The following TDRD7 variants were observed in gnomAD, a reference collection of about 807,000 sequenced individuals.
TDRD7 encodes tudor domain containing 7, also known as tudor domain-containing protein 7.
In TDRD7, 47 loss-of-function variants were observed where a neutral mutation model predicts 109.8. The ratio of observed to expected loss-of-function variants is 0.43; its 90% CI spans 0.34 to 0.55. The LOEUF is 0.55. TDRD7 is among the 20% of genes least tolerant of loss of function. The pLI is 0.03. For synonymous variants in TDRD7, 424 were observed against 457.3 expected, an observed-to-expected ratio of 0.93 and a Z score of 0.93; for missense variants, 1,164 against 1,319.2, an observed-to-expected ratio of 0.88 and a Z score of 1.82.
rs376407407 is a variant in TDRD7, at chr9:97,473,310, AAAG to A, written c.1945-179_1945-177del. Among the ~76,000 whole-genome samples the A allele has an allele frequency of 2.5e-3, 386 of 152,358 alleles. 2 individuals are homozygous for A. Among genetic ancestry groups the A allele is most frequent in the African/African-American group, 8.7e-3 (360 of 41,590 alleles). Reference sequence around the variant, plus strand: ...ATATTAGACATTTCTTTTAAAAAGAAAAGAATCCAAATTAGTTTTGTACATTTA... The same window carrying A: ...ATATTAGACATTTCTTTTAAAAAGAAAATCCAAATTAGTTTTGTACATTTA... On this transcript the variant is annotated intron_variant, in intron 10 of 16. Coordinates refer to ENST00000355295, the MANE Select transcript of TDRD7 (RefSeq NM_014290.3).
intron 6 of TDRD7, among the ~76,000 whole-genome samples, chr9:97,455,513 G>T (rs1426271586): frequency 2.6e-5 from 4 of 152,120 alleles, no homozygotes; most frequent in Non-Finnish European, 5.9e-5. Flanking sequence ...TGCAAGCCTG[G>T]TTCAACATAT....
intron 1 of TDRD7, among the ~76,000 whole-genome samples, chr9:97,413,280 A>G (rs1827753511): frequency 6.6e-6 from 1 of 152,266 alleles, no homozygotes; most frequent in African/African-American, 2.4e-5. Context: ...AATGTGTTGC[A>G]TACTGCAAAT....
chr9:97,471,933 T>C (rs1379559125), intron 9 of TDRD7, among the ~76,000 whole-genome samples: 1 of 152,204 alleles, frequency 6.6e-6, no homozygotes, highest in Non-Finnish European at 1.5e-5. Flanking sequence ...ATTACAAACA[T>C]ATGACTGGAA....
intron 6 of TDRD7, among the ~76,000 whole-genome samples, chr9:97,456,019 T>G (rs967231062): frequency 1.3e-5 from 2 of 151,980 alleles, no homozygotes; most frequent in Admixed American, 1.3e-4. Flanking sequence ...AAGCATTTCT[T>G]TACACCAACA....
At chr9:97,467,303 A>G (rs954100138) in intron 8 of TDRD7, among the ~76,000 whole-genome samples, 3 of 152,254 alleles carry the variant, frequency 2.0e-5, no homozygotes, top group Non-Finnish European at 4.4e-5. Context: ...CTATTCCACA[A>G]GGATATCTCC....
intron 11 of TDRD7, among the ~76,000 whole-genome samples, chr9:97,474,361 A>G (rs1028049847): frequency 2.6e-5 from 4 of 152,054 alleles, no homozygotes; most frequent in Non-Finnish European, 5.9e-5. Flanking sequence ...TCTTCCCTCT[A>G]ACCCACAAAG....
intron 16 of TDRD7, among the ~76,000 whole-genome samples, 169 bp downstream of exon 16, chr9:97,487,501 C>A (rs1829231128): frequency 6.6e-6 from 1 of 152,128 alleles, no homozygotes; most frequent in African/African-American, 2.4e-5. Flanking sequence ...TTAATGATGT[C>A]TTACAGTCGT....
intron 2 of TDRD7, among the ~76,000 whole-genome samples, chr9:97,429,873 AG>A (rs751270551): frequency 2.0e-5 from 3 of 152,186 alleles, no homozygotes; most frequent in African/African-American, 4.8e-5. Flanking sequence ...TGCTTTATAG[AG>A]TTACTATACT....
intron 13 of TDRD7, 102 bp downstream of exon 13, chr9:97,478,675 G>GA: frequency 6.5e-7 from 1 of 1,540,302 alleles, no homozygotes; most frequent in Non-Finnish European, 8.9e-7. Flanking sequence ...TAATTTTTAA[G>GA]AAAATTGGAA....
chr9:97,468,204 TAGAG>T (rs1467361686), intron 8 of TDRD7, among the ~76,000 whole-genome samples: 1 of 152,136 alleles, frequency 6.6e-6, no homozygotes, highest in Non-Finnish European at 1.5e-5. Context: ...TGAGATCCCC[TAGAG>T]AGAGAATACA....
At chr9:97,433,833 G>A (rs11788929) in intron 4 of TDRD7, among the ~76,000 whole-genome samples, 18,509 of 152,192 alleles carry the variant, frequency 0.12, 1,278 homozygotes, top group Middle Eastern at 0.22. Flanking sequence ...CCAGTAGTAT[G>A]TAGTATGGCT....
At chr9:97,440,951 C>T (rs1044169914) in intron 5 of TDRD7, among the ~76,000 whole-genome samples, 8 of 151,936 alleles carry the variant, frequency 5.3e-5, no homozygotes, top group Admixed American at 2.0e-4. Flanking sequence ...TAAGTAAAAA[C>T]GAAATGCAAA....
intron 1 of TDRD7, among the ~76,000 whole-genome samples, chr9:97,417,826 C>T (rs1827835388): frequency 6.6e-6 from 1 of 152,116 alleles, no homozygotes. Context: ...ATAATATGTG[C>T]ATTAAAAAGG....
Position 97,480,844 on chromosome 9 carries a change from T to C in TDRD7, c.2318T>C (p.Leu773Ser). 3 of 1,614,100 alleles carry C rather than the reference T, an allele frequency of 1.9e-6. No homozygotes were observed. Among genetic ancestry groups the C allele is most frequent in the Non-Finnish European group, 2.5e-6 (3 of 1,179,952 alleles). Residue 773 changes from leucine (L) to serine (S), a missense_variant, in exon 14 of 17, where the codon TTA becomes TCA. By Grantham distance (145) the Leu-to-Ser change is moderately radical. Transcript: ENST00000355295. ...TCTTTTCAGGCCATTAAGTGCTGTT[T>C]AGCAGATCTTCCACAATCTATTGGC... ...AIPPQAIKCC[L>S]ADLPQSIGMW...
chr9:97,485,039 A>C (rs190376662), intron 15 of TDRD7, among the ~76,000 whole-genome samples: 1 of 152,340 alleles, frequency 6.6e-6, no homozygotes, highest in African/African-American at 2.4e-5. Context: ...AAAAACAGAT[A>C]ATCTGATTTT....
intron 6 of TDRD7, among the ~76,000 whole-genome samples, chr9:97,459,381 T>G (rs1343977611): frequency 6.6e-6 from 1 of 152,226 alleles, no homozygotes; most frequent in Non-Finnish European, 1.5e-5. Flanking sequence ...TAAAAATCAT[T>G]TTTTAGCCCA....
chr9:97,436,180 A>AATTGTTCTCTAAACAGATTAT (rs1235785054), intron 4 of TDRD7, among the ~76,000 whole-genome samples: 1 of 152,136 alleles, frequency 6.6e-6, no homozygotes, highest in African/African-American at 2.4e-5. Flanking sequence ...GCTCCTATTA[A>AATTGTTCTCTAAACAGATTAT]ATTGTTCTCT....
Position 97,483,114 on chromosome 9 carries a change from C to T in TDRD7, c.2678C>T (p.Thr893Met), listed in dbSNP as rs775620997. ...DVIKKSMVDH[T>M]SAFSTEELPP... ...ATCAAAAAGTCCATGGTGGACCATACGAGCGCTTTCTCCACAGAGGAACTG... is the reference window on the plus strand; with the variant it reads ...ATCAAAAAGTCCATGGTGGACCATATGAGCGCTTTCTCCACAGAGGAACTG... Residue 893 changes from threonine to methionine, a missense_variant, in exon 15 of 17, where the codon ACG becomes ATG. Physicochemically the swap from Thr to Met is moderately conservative, Grantham distance 81. Coordinates refer to ENST00000355295, the MANE Select transcript of TDRD7 (RefSeq NM_014290.3). The T allele has an allele frequency of 1.6e-5, 26 of 1,614,006 alleles. No individual in the cohort carries two copies. In the South Asian group the frequency reaches 1.6e-4, roughly 10 times the overall value.
At chr9:97,491,140 A>T (rs948054757) in intron 16 of TDRD7, among the ~76,000 whole-genome samples, 26 of 150,482 alleles carry the variant, frequency 1.7e-4, no homozygotes, top group African/African-American at 6.3e-4. Context: ...CTGGTCTCGA[A>T]CTCCTGACTT....
Sources: allele counts gnomAD v4.1 joint callset (sites outside exome capture counted in the v4.1 genomes callset), GRCh38; gene constraint gnomAD v4.1.1; transcripts MANE v1.5; gene names NCBI Gene and HGNC (gene_info 2026-07-23, HGNC 2026-07-21).